Variants in PSMG2 observed in about 807,000 individuals in gnomAD.
PSMG2 encodes the protein CD40 ligand-activated specific transcript 3.
In PSMG2, 21 loss-of-function variants were observed where a neutral mutation model predicts 31.5. The observed-to-expected ratio is 0.67, with a 90% confidence interval of 0.47 to 0.96. PSMG2 has a LOEUF of 0.96. PSMG2 is among the 40% of genes least tolerant of loss of function. PSMG2 has a pLI of 0.00. For synonymous variants in PSMG2, 120 were observed against 110.4 expected (o/e 1.09, Z -0.54); for missense variants, 318 against 321.2 (o/e 0.99, Z 0.08).
chr18:12,701,983 C>G (rs189942133), upstream of PSMG2, among the ~76,000 whole-genome samples: 500 of 152,182 alleles, frequency 3.3e-3, 7 homozygotes, highest in Middle Eastern at 0.017. Flanking sequence ...AAAAATTAGC[C>G]GAGCGTGGTG....
At chr18:12,713,393 C>T (rs1197629224) in intron 3 of PSMG2, among the ~76,000 whole-genome samples, 1 of 152,150 alleles carries the variant, frequency 6.6e-6, no homozygotes, top group East Asian at 1.9e-4. Flanking sequence ...CCCAAGGAGA[C>T]AGGAGTCGAC....
intron 1 of PSMG2, among the ~76,000 whole-genome samples, chr18:12,689,734 C>T (rs890509689): frequency 1.3e-5 from 2 of 152,018 alleles, no homozygotes; most frequent in African/African-American, 4.8e-5. Flanking sequence ...GAATAAATGC[C>T]TCAGACTATA....
intron 3 of PSMG2, among the ~76,000 whole-genome samples, chr18:12,715,428 A>G (rs1305428907): frequency 6.6e-6 from 1 of 152,218 alleles, no homozygotes; most frequent in Non-Finnish European, 1.5e-5. Flanking sequence ...ATTTTTTGGA[A>G]TGACCTGAGG....
At chr18:12,702,735 G>A (rs1247084563), upstream of PSMG2, 3 of 631,580 alleles carry the variant, frequency 4.7e-6, no homozygotes, top group Non-Finnish European at 7.9e-6. Flanking sequence ...AGGCCCCGGC[G>A]GCGGCGGCGC....
intron 1 of PSMG2, among the ~76,000 whole-genome samples, chr18:12,663,623 T>C (rs2038743324): frequency 6.6e-6 from 1 of 152,230 alleles, no homozygotes; most frequent in South Asian, 2.1e-4. Flanking sequence ...CAATAATTGC[T>C]TAAAAATGGA....
chr18:12,686,587 G>A, intron 1 of PSMG2: 1 of 616,194 alleles, frequency 1.6e-6, no homozygotes, highest in Non-Finnish European at 2.8e-6. Flanking sequence ...GTATTTGGCT[G>A]CAAAGTGCTG....
chr18:12,702,486 C>T (rs766389457), upstream of PSMG2: 2 of 1,608,124 alleles, frequency 1.2e-6, no homozygotes, highest in East Asian at 4.5e-5. Context: ...CGACTCTCAC[C>T]TTGCTCAGCT....
chr18:12,714,038 C>T (rs547186257), intron 3 of PSMG2, among the ~76,000 whole-genome samples: 19 of 152,296 alleles, frequency 1.2e-4, no homozygotes, highest in East Asian at 1.9e-4. Flanking sequence ...GTGTAAGCCA[C>T]GCCCAGTCCA....
chr18:12,670,607 A>G (rs1030929539), intron 1 of PSMG2: 3 of 151,244 alleles, frequency 2.0e-5, no homozygotes, highest in Admixed American at 6.6e-5. Context: ...ATTACAAGCA[A>G]TTTTCTGTTG....
chr18:12,684,413 C>A (rs749910591), intron 1 of PSMG2: 1 of 151,844 alleles, frequency 6.6e-6, no homozygotes, highest in African/African-American at 2.4e-5. Flanking sequence ...CCATGCCTGG[C>A]CTGCTGTCAC....
chr18:12,703,019 AG>A, upstream of PSMG2: 1 of 1,458,894 alleles, frequency 6.9e-7, no homozygotes, highest in Non-Finnish European at 9.3e-7. Context: ...GCGCCCCGCG[AG>A]GCTCCGGGGT....
chr18:12,678,041 C>T, intron 1 of PSMG2: 1 of 1,283,754 alleles, frequency 7.8e-7, no homozygotes, highest in East Asian at 2.3e-5. Context: ...CTATCACACA[C>T]ACCAAAAAAC....
chr18:12,724,865 C>A, intron 6 of PSMG2: 1 of 422,810 alleles, frequency 2.4e-6, no homozygotes, highest in Non-Finnish European at 4.1e-6. Context: ...ATTGTACTTA[C>A]TATTCATGTT....
chr18:12,700,981 T>C, upstream of PSMG2: 1 of 1,613,276 alleles, frequency 6.2e-7, no homozygotes, highest in Non-Finnish European at 8.5e-7. Context: ...AGTTCTTTCA[T>C]CACATCGTCA....
At chr18:12,665,909 C>A (rs958207381) in intron 1 of PSMG2, among the ~76,000 whole-genome samples, 1 of 152,144 alleles carries the variant, frequency 6.6e-6, no homozygotes, top group Non-Finnish European at 1.5e-5. Context: ...GTTGGCCAGG[C>A]TGGTCTTGAA....
chr18:12,673,774 G>T (rs556470881), intron 1 of PSMG2, among the ~76,000 whole-genome samples: 7 of 152,092 alleles, frequency 4.6e-5, no homozygotes, highest in Admixed American at 3.3e-4. Context: ...CCAGCTACTT[G>T]GGAGGCTGAG....
At chr18:12,721,483 A>G (rs1485697926) in intron 5 of PSMG2, among the ~76,000 whole-genome samples, 2 of 152,196 alleles carry the variant, frequency 1.3e-5, no homozygotes. Flanking sequence ...AGCACTGTCT[A>G]CTTCTAGAAC....
At position 12,720,504 on chromosome 18, in the gene PSMG2, T is replaced by C; in HGVS notation, c.408-6T>C. On this transcript the variant is annotated splice_polypyrimidine_tract_variant and splice_region_variant and intron_variant, in intron 4 of 6. Transcript: ENST00000317615. ...TTTAAAAAGTTAACTATATGATTATTTCTAGTACTCCCTTCCGGTACCTAC... is the reference window on the plus strand; with the variant it reads ...TTTAAAAAGTTAACTATATGATTATCTCTAGTACTCCCTTCCGGTACCTAC... The C allele has an allele frequency of 6.4e-7, 1 of 1,572,136 alleles. No homozygotes were observed. The highest frequency in any genetic ancestry group is 8.6e-7 in the Non-Finnish European group (1 of 1,162,812).
intron 1 of PSMG2, among the ~76,000 whole-genome samples, chr18:12,687,540 G>A (rs182520623): frequency 1.3e-5 from 2 of 148,622 alleles, no homozygotes; most frequent in South Asian, 2.1e-4. Context: ...TGCAACCTCC[G>A]CCCATGGGTT....
Sources: allele counts gnomAD v4.1 joint callset (sites outside exome capture counted in the v4.1 genomes callset), GRCh38; gene constraint gnomAD v4.1.1; transcripts MANE v1.5; gene names NCBI Gene and HGNC (gene_info 2026-07-23, HGNC 2026-07-21).